OPA1: variants seen among roughly 807,000 people sequenced by gnomAD.
OPA1 encodes dynamin-like GTPase OPA1, mitochondrial.
Under a neutral mutation model 152.9 loss-of-function variants are expected in OPA1, and 59 were observed. That is an observed-to-expected ratio of 0.39 (90% CI 0.31 to 0.48). The LOEUF is 0.48. OPA1 is among the 20% of genes least tolerant of loss of function. OPA1 has a pLI of 0.96. For synonymous variants in OPA1, 400 were observed against 389.9 expected, an observed-to-expected ratio of 1.03 and a Z score of -0.31; for missense variants, 1,008 against 1,216.8, an observed-to-expected ratio of 0.83 and a Z score of 2.55.
intron 8 of OPA1, among the ~76,000 whole-genome samples, chr3:193,634,910 G>A (rs996244495): frequency 3.3e-5 from 5 of 152,136 alleles, no homozygotes; most frequent in African/African-American, 1.2e-4. Context: ...AAGGCTAAGG[G>A]AGTTAATGCG....
chr3:193,599,562 T>G (rs536984965), intron 1 of OPA1, among the ~76,000 whole-genome samples: 146 of 152,264 alleles, frequency 9.6e-4, no homozygotes, highest in African/African-American at 3.3e-3. Context: ...AATGTCACCT[T>G]AGCTTCTTAT....
At chr3:193,648,604 A>G (rs1711618165) in intron 20 of OPA1, 191 bp from the exon 21 acceptor site, 1 of 533,216 alleles carries the variant, frequency 1.9e-6, no homozygotes, top group Non-Finnish European at 3.4e-6. Context: ...TATTTATGTC[A>G]GTTTCTTTGT....
intron 29 of OPA1, among the ~76,000 whole-genome samples, chr3:193,669,860 A>G (rs1193585993): frequency 1.3e-5 from 2 of 152,238 alleles, no homozygotes; most frequent in South Asian, 2.1e-4. Context: ...TGTCAAGCCA[A>G]GTTCTATGTT....
chr3:193,614,819 A>C lies in OPA1; in HGVS notation c.129A>C (p.Ser43=). Residue 43 remains serine (S), a synonymous_variant, in exon 2 of 31, where the codon TCA becomes TCC. Coordinates refer to ENST00000361510, the MANE Select transcript of OPA1 (RefSeq NM_130837.3). ...TGGTTTCACGAAGCATTTATCATTC[A>C]CATCATCCTACCTTAAAGCTTCAAC... The part of the protein sequence containing the change: ...LHLVSRSIYH[S]HHPTLKLQRP... 6.2e-7 allele frequency: 1 copy of C among 1,613,072 alleles called. No homozygotes were observed. The highest frequency in any genetic ancestry group is 8.5e-7 in the Non-Finnish European group (1 of 1,178,962).
intron 29 of OPA1, among the ~76,000 whole-genome samples, chr3:193,683,724 C>G (rs1194005307): frequency 2.0e-5 from 3 of 152,268 alleles, no homozygotes; most frequent in Non-Finnish European, 4.4e-5. Flanking sequence ...TCAGGTGATC[C>G]TTAGCATTTG....
intron 8 of OPA1, among the ~76,000 whole-genome samples, chr3:193,634,400 T>C (rs547843763): frequency 6.6e-6 from 1 of 152,176 alleles, no homozygotes; most frequent in Non-Finnish European, 1.5e-5. Flanking sequence ...GCTACACATT[T>C]TCCTTCTCAA....
intron 21 of OPA1, among the ~76,000 whole-genome samples, chr3:193,652,639 A>G (rs1388172420): frequency 1.3e-5 from 2 of 152,208 alleles, no homozygotes; most frequent in Non-Finnish European, 2.9e-5. Flanking sequence ...ACAGAGGACA[A>G]TCACTTTCCT....
rs755117948 is a variant in OPA1 at position 193,615,002 on chromosome 3, A to G, written c.312A>G (p.Ile104Met). ...ATRLLKLRYL[I>M]LGSAVGGGYT... The stretch of plus-strand genomic sequence containing the variant: ...GACTCTTAAAACTTCGCTATCTCAT[A>G]CTAGGATCGGCTGTTGGGGGTGGCT... Residue 104 changes from isoleucine (I) to methionine (M), a missense_variant, in exon 2 of 31, where the codon ATA becomes ATG. By Grantham distance (10) the Ile-to-Met change is conservative. Around this residue, in one of 7 missense-constraint regions of OPA1, gnomAD observed 408 missense variants for 395.1 expected, o/e 1.03. Transcript: ENST00000361510. 1.5e-5 allele frequency: 24 copies of G among 1,614,098 alleles called. No homozygotes were observed. Among genetic ancestry groups the G allele is most frequent in the South Asian group, 3.3e-5 (3 of 91,092 alleles).
At chr3:193,622,226 C>CTTTTTTTTTTTT (rs758993120) in intron 6 of OPA1, among the ~76,000 whole-genome samples, 7 of 107,916 alleles carry the variant, frequency 6.5e-5, no homozygotes, top group African/African-American at 1.2e-4. Context: ...TACTCTCATT[C>CTTTTTTTTTTTT]TTTTTTTTTT....
chr3:193,694,429 T>TA (rs1271276387), intron 30 of OPA1, among the ~76,000 whole-genome samples, 177 bp from the exon 31 acceptor site: 1 of 152,190 alleles, frequency 6.6e-6, no homozygotes, highest in Non-Finnish European at 1.5e-5. Context: ...TTATGTTTGA[T>TA]AAAAAAATTA....
In OPA1 at chr3:193,593,426, A is replaced by G. The variant is rs367936556; in HGVS notation, c.32+17A>G. On this transcript the variant is annotated intron_variant, in intron 1 of 30. Transcript: ENST00000361510. ...TGTGGCCTGGTAAGTGCAGGCTCTA[A>G]TCTGGCCCCGTTAATTCTGGGGCCT... The G allele has an allele frequency of 5.2e-6, 8 of 1,530,376 alleles. No individual in the cohort carries two copies. Among genetic ancestry groups the G allele is most frequent in the Admixed American group, 2.0e-5 (1 of 48,952 alleles). The allele number at this position is 1,530,376 out of a possible 1,614,324, so 94.8% of individuals were successfully genotyped here.
At chr3:193,653,134 A>T (rs1712937139) in intron 21 of OPA1, among the ~76,000 whole-genome samples, 2 of 152,238 alleles carry the variant, frequency 1.3e-5, no homozygotes, top group African/African-American at 4.8e-5. Context: ...TTGCTCCTTA[A>T]ATTCTCCCAC....
chr3:193,614,441 T>G (rs1036624445), intron 1 of OPA1, among the ~76,000 whole-genome samples: 4 of 152,212 alleles, frequency 2.6e-5, no homozygotes. Flanking sequence ...CAGTGTGACT[T>G]TGGGCAAGTT....
In OPA1 at chr3:193,695,044, A is replaced by C. The variant is rs1438232556; in HGVS notation, c.*444A>C. On this transcript the variant is annotated 3_prime_UTR_variant, in exon 31 of 31. Coordinates refer to ENST00000361510, the MANE Select transcript of OPA1 (RefSeq NM_130837.3). The stretch of plus-strand genomic sequence containing the variant: ...AGTTATCAATTGTATATAAAATCAC[A>C]GTAGCCTGCTAAATCATTGTATGTG... The C allele has an allele frequency of 6.6e-6, 1 of 152,268 alleles. No homozygotes were observed. The highest frequency in any genetic ancestry group is 2.4e-5 in the African/African-American group (1 of 41,474). 9.4% of individuals were successfully genotyped at this position (152,268 alleles called of 1,614,324 possible).
chr3:193,603,755 A>G (rs1271545250), intron 1 of OPA1, among the ~76,000 whole-genome samples: 1 of 152,216 alleles, frequency 6.6e-6, no homozygotes, highest in East Asian at 1.9e-4. Flanking sequence ...GTAACAGCAT[A>G]TCCTGACTGA....
chr3:193,645,419 T>C, intron 16 of OPA1, 134 bp from the exon 17 acceptor site: 5 of 641,998 alleles, frequency 7.8e-6, no homozygotes, highest in Admixed American at 3.1e-5. Context: ...TGGAAAAACA[T>C]TTTAAATGCT....
chr3:193,683,488 A>G (rs1469016927), intron 29 of OPA1, among the ~76,000 whole-genome samples: 1 of 152,156 alleles, frequency 6.6e-6, no homozygotes, highest in Non-Finnish European at 1.5e-5. Flanking sequence ...AATTTACCCA[A>G]AATTACCTAT....
intron 7 of OPA1, among the ~76,000 whole-genome samples, chr3:193,631,401 TG>T (rs1218040581): frequency 2.0e-5 from 3 of 152,236 alleles, no homozygotes; most frequent in Non-Finnish European, 2.9e-5. Context: ...TTAAGGTTTT[TG>T]TTTCTCAATA....
chr3:193,656,015 C>G (rs567745159), intron 22 of OPA1, among the ~76,000 whole-genome samples: 19 of 152,270 alleles, frequency 1.2e-4, no homozygotes, highest in Admixed American at 1.2e-3. Context: ...TCTAAGAACT[C>G]CAGCAGCCTC....
Sources: allele counts gnomAD v4.1 joint callset (sites outside exome capture counted in the v4.1 genomes callset), GRCh38; gene constraint gnomAD v4.1.1; regional missense constraint gnomAD v4.1.1; transcripts MANE v1.5; gene names NCBI Gene and HGNC (gene_info 2026-07-23, HGNC 2026-07-21).